Variants in DGAT2L6 observed in about 807,000 individuals in gnomAD.
The protein encoded by DGAT2L6 is diacylglycerol O-acyltransferase 2-like protein 6.
Under a neutral mutation model 25.5 loss-of-function variants are expected in DGAT2L6, and 22 were observed. The observed-to-expected ratio is 0.86, with a 90% CI of 0.62 to 1.23. DGAT2L6 has a LOEUF of 1.23. Ranked by LOEUF, DGAT2L6 falls within the 50% of genes most tolerant of loss-of-function variation. The pLI, the probability that DGAT2L6 is intolerant of heterozygous loss-of-function variation, is 0.00. For missense variants in DGAT2L6, 287 were observed against 253.2 expected, an observed-to-expected ratio of 1.13 and a Z score of -0.91; for synonymous variants, 100 against 94.7, an observed-to-expected ratio of 1.06 and a Z score of -0.32.
intron 1 of DGAT2L6, among the ~76,000 whole-genome samples, chrX:70,193,251 T>C (rs1313878976): frequency 9.4e-6 from 1 of 105,978 alleles, no homozygotes; most frequent in Non-Finnish European, 1.9e-5. Flanking sequence ...CAGGGAGCAG[T>C]GAGCCGAGAT....
chrX:70,200,652 C>A (rs1029087919), intron 4 of DGAT2L6, among the ~76,000 whole-genome samples, 193 bp downstream of exon 4: 1 of 111,095 alleles, frequency 9.0e-6, no homozygotes, highest in Non-Finnish European at 1.9e-5. Flanking sequence ...TTTGATTGGG[C>A]AGCAGGGGAA....
chrX:70,191,316 A>G (rs1168591486), intron 1 of DGAT2L6, among the ~76,000 whole-genome samples: 1 of 111,649 alleles, frequency 9.0e-6, no homozygotes, highest in Non-Finnish European at 1.9e-5. Flanking sequence ...AGAAATAAAA[A>G]CCACAAAAAG....
At chrX:70,198,516 T>TTTG (rs201445481) in intron 1 of DGAT2L6, among the ~76,000 whole-genome samples, 1,354 of 110,135 alleles carry the variant, frequency 0.012, 10 homozygotes, top group Non-Finnish European at 0.019. Context: ...GTAGGGCAGT[T>TTTG]TTGTTGTTGT....
At chrX:70,191,653 A>T (rs766328394) in intron 1 of DGAT2L6, among the ~76,000 whole-genome samples, 1 of 111,965 alleles carries the variant, frequency 8.9e-6, no homozygotes, top group East Asian at 2.8e-4. Flanking sequence ...CTAGGAAAGA[A>T]ATGGACATCA....
intron 1 of DGAT2L6, among the ~76,000 whole-genome samples, chrX:70,178,630 C>T (rs1359776776): frequency 1.8e-5 from 2 of 111,151 alleles, no homozygotes; most frequent in Non-Finnish European, 3.8e-5. Flanking sequence ...AGGTAGGAGA[C>T]AGCTGGTTCC....
intron 6 of DGAT2L6, 104 bp downstream of exon 6, chrX:70,204,620 G>A: frequency 1.0e-6 from 1 of 955,465 alleles, no homozygotes; most frequent in Non-Finnish European, 1.4e-6. Flanking sequence ...TCTGGGATGG[G>A]CAATGGGTGT....
chrX:70,190,115 A>G lies in DGAT2L6; in HGVS notation c.86-9156A>G, dbSNP rs770210514. 3.6e-5 allele frequency among the ~76,000 whole-genome samples: 4 copies of G among 112,571 alleles called. No homozygotes were observed. The South Asian group carries it at 1.5e-3, about 41-fold the overall frequency. On this transcript the variant is annotated intron_variant, in intron 1 of 6. Transcript: ENST00000333026. ...TATATTGATCCACAGAACAGAAAAG[A>G]GTCAAGAAATAAACACATGAATATG...
chrX:70,190,520 T>G (rs776139531), intron 1 of DGAT2L6, among the ~76,000 whole-genome samples: 9 of 111,818 alleles, frequency 8.0e-5, no homozygotes, highest in Admixed American at 1.9e-4. Flanking sequence ...CTCATCCCCC[T>G]GTAAACTCAG....
At chrX:70,183,969 G>C (rs957619920) in intron 1 of DGAT2L6, among the ~76,000 whole-genome samples, 5 of 111,199 alleles carry the variant, frequency 4.5e-5, no homozygotes, top group Non-Finnish European at 7.5e-5. Context: ...GAGCCTAAGA[G>C]GTAAAGGTTA....
intron 1 of DGAT2L6, among the ~76,000 whole-genome samples, chrX:70,193,226 G>A (rs745705748): frequency 9.2e-6 from 1 of 108,568 alleles, no homozygotes; most frequent in East Asian, 2.9e-4. Flanking sequence ...GCTGAGGCAC[G>A]AGAATTGCTT....
At chrX:70,186,640 C>A (rs3849262) in intron 1 of DGAT2L6, among the ~76,000 whole-genome samples, 12,119 of 111,516 alleles carry the variant, frequency 0.11, 793 homozygotes, top group South Asian at 0.24. Context: ...ACTTAACATA[C>A]TTTTCCTTCA....
rs1251251566 is a variant in DGAT2L6 at position 70,177,638 on chromosome X, T to G, written c.56T>G (p.Leu19Trp). ...GAGGGCCTCCAAACCTTCTTTGTTTTGCAATGGATCCCAGTCTATATATTT... is the reference window on the plus strand; with the variant it reads ...GAGGGCCTCCAAACCTTCTTTGTTTGGCAATGGATCCCAGTCTATATATTT... ...LQEGLQTFFVLQWIPVYIFLG... is the reference protein window; with the variant it reads ...LQEGLQTFFVWQWIPVYIFLG... Residue 19 changes from leucine (L) to tryptophan (W), a missense_variant, in exon 1 of 7, where the codon TTG (leucine) becomes TGG (tryptophan). Leu to Trp is a moderately conservative substitution (Grantham distance 61, BLOSUM62 -2). Transcript: ENST00000333026. The G allele has an allele frequency of 3.3e-6, 4 of 1,208,671 alleles. No homozygotes were observed. Among genetic ancestry groups the G allele is most frequent in the Non-Finnish European group, 4.5e-6 (4 of 894,272 alleles).
Position 70,199,823 on chromosome X carries a change from T to C in DGAT2L6, c.208T>C (p.Ser70Pro), listed in dbSNP as rs2085403502. The C allele has an allele frequency of 8.3e-7, 1 of 1,208,925 alleles. No homozygotes were observed. The highest frequency in any genetic ancestry group is 1.8e-5 in the South Asian group (1 of 56,726). ...TTCTGTACCCACAGGTGGCAGGCGTTCAGCTTGGGTACGAAACTGGACCCT... is the reference window on the plus strand; with the variant it reads ...TTCTGTACCCACAGGTGGCAGGCGTCCAGCTTGGGTACGAAACTGGACCCT... ...WNTHSQGGRR[S>P]AWVRNWTLWK... The change falls in exon 3 of 7, where the codon TCA becomes CCA. Residue 70 changes from serine (S) to proline (P), a missense_variant. Coordinates refer to ENST00000333026, the MANE Select transcript of DGAT2L6 (RefSeq NM_198512.3).
chrX:70,182,611 C>G (rs2085346866), intron 1 of DGAT2L6, among the ~76,000 whole-genome samples: 1 of 105,303 alleles, frequency 9.5e-6, no homozygotes, highest in South Asian at 4.6e-4. Flanking sequence ...TCCTGAGTAG[C>G]TGGGATTACA....
At chrX:70,197,983 G>A (rs998698658) in intron 1 of DGAT2L6, among the ~76,000 whole-genome samples, 1 of 111,955 alleles carries the variant, frequency 8.9e-6, no homozygotes, top group Non-Finnish European at 1.9e-5. Context: ...TCCATAACAT[G>A]ACTTTTTAAA....
chrX:70,192,577 A>T (rs1174140309), intron 1 of DGAT2L6, among the ~76,000 whole-genome samples: 1 of 111,968 alleles, frequency 8.9e-6, no homozygotes, highest in Non-Finnish European at 1.9e-5. Flanking sequence ...TAAAAGTGGA[A>T]ATCAAAAAGT....
chrX:70,204,665 A>G (rs991881820), intron 6 of DGAT2L6, 149 bp downstream of exon 6: 60 of 667,039 alleles, frequency 9.0e-5, no homozygotes, highest in Middle Eastern at 5.0e-4. Context: ...AACTAAACAG[A>G]TAAGAGTTGT....
Position 70,205,244 on chromosome X carries a change from A to C in DGAT2L6, c.*138A>C. 1 of 763,710 alleles carries C rather than the reference A, an allele frequency of 1.3e-6. No individual in the cohort carries two copies. Among genetic ancestry groups the C allele is most frequent in the Non-Finnish European group, 1.7e-6 (1 of 573,508 alleles). 62.9% of individuals were successfully genotyped at this position (763,710 alleles called of 1,213,427 possible). A position where few individuals can be genotyped will look rare whatever the true frequency, so the allele number is the denominator to read the frequency against. Reference sequence around the variant, plus strand: ...CCATCCAAGCCAGAAATTATTTAATAAATCAGAGTTCTAGCAATAGAGTCC... The same window carrying C: ...CCATCCAAGCCAGAAATTATTTAATCAATCAGAGTTCTAGCAATAGAGTCC... On this transcript the variant is annotated 3_prime_UTR_variant, in exon 7 of 7. Transcript: ENST00000333026.
chrX:70,183,259 C>A (rs1053466471), intron 1 of DGAT2L6, among the ~76,000 whole-genome samples: 1 of 112,265 alleles, frequency 8.9e-6, no homozygotes, highest in African/African-American at 3.2e-5. Context: ...GATTGCCTTG[C>A]GTTCCAGGCA....
Sources: gnomAD v4.1 joint callset for allele counts (sites outside exome capture counted in the v4.1 genomes callset) on GRCh38, gnomAD v4.1.1 for gene constraint, MANE v1.5 for transcripts, NCBI Gene and HGNC (gene_info 2026-07-23, HGNC 2026-07-21) for gene names.